HIVEP3: variants seen among roughly 807,000 people sequenced by gnomAD.
HIVEP3 encodes HIVEP zinc finger 3.
Under a neutral mutation model 152.8 loss-of-function variants are expected in HIVEP3, and 49 were observed. That is an observed-to-expected ratio of 0.32 (90% CI 0.26 to 0.41). The LOEUF is 0.41. Among genes scored for constraint, HIVEP3 ranks in the 10% least tolerant of loss-of-function variants. The pLI, the probability that HIVEP3 is intolerant of heterozygous loss-of-function variation, is 1.00. For missense variants in HIVEP3, 2,790 were observed against 3,103.3 expected (o/e 0.90, Z 2.40); for synonymous variants, 1,269 against 1,289.0 (o/e 0.98, Z 0.33).
intron 1 of HIVEP3, among the ~76,000 whole-genome samples, chr1:41,809,639 T>C (rs9661982): frequency 0.36 from 54,494 of 152,200 alleles, 10,002 homozygotes; most frequent in African/African-American, 0.39. Flanking sequence ...CATTCCCCCA[T>C]ATATTTAACA....
At chr1:41,814,109 A>T (rs1651121791) in intron 1 of HIVEP3, among the ~76,000 whole-genome samples, 1 of 152,228 alleles carries the variant, frequency 6.6e-6, no homozygotes, top group Admixed American at 6.5e-5. Flanking sequence ...GGAAATCCCC[A>T]GAAGACACTG....
chr1:41,645,031 C>T (rs1406713416), intron 2 of HIVEP3, among the ~76,000 whole-genome samples: 3 of 152,130 alleles, frequency 2.0e-5, no homozygotes, highest in African/African-American at 4.8e-5. Context: ...ATGCCTAATT[C>T]CTAGAAGCCA....
At chr1:41,523,382 A>C (rs1429685138) in intron 6 of HIVEP3, among the ~76,000 whole-genome samples, 1 of 152,060 alleles carries the variant, frequency 6.6e-6, no homozygotes. Context: ...AGGATGGGGG[A>C]AAGGCAGTGG....
chr1:42,008,056 T>G (rs7515159), intron 1 of HIVEP3, among the ~76,000 whole-genome samples: 35,206 of 152,184 alleles, frequency 0.23, 4,564 homozygotes, highest in African/African-American at 0.35. Context: ...TTGATAAATT[T>G]ACATCATATT....
intron 1 of HIVEP3, among the ~76,000 whole-genome samples, chr1:41,889,251 C>T (rs1466494267): frequency 6.6e-6 from 1 of 152,094 alleles, no homozygotes; most frequent in Non-Finnish European, 1.5e-5. Context: ...ACCCCACATC[C>T]CCTGCTACAC....
At chr1:41,699,546 C>T (rs1646329560) in intron 2 of HIVEP3, among the ~76,000 whole-genome samples, 1 of 152,168 alleles carries the variant, frequency 6.6e-6, no homozygotes, top group African/African-American at 2.4e-5. Context: ...AGGGGGTGGC[C>T]TATTGTCCTT....
In HIVEP3 at chr1:41,585,171, G is replaced by T. The variant is rs577104245; in HGVS notation, c.-374C>A. The T allele has an allele frequency of 1.9e-4, 75 of 399,382 alleles. No homozygotes were observed. The highest frequency in any genetic ancestry group is 1.5e-3 in the African/African-American group (71 of 48,762). 24.7% of individuals were successfully genotyped at this position (399,382 alleles called of 1,614,324 possible). On this transcript the variant is annotated 5_prime_UTR_variant, in exon 4 of 9. Coordinates refer to ENST00000372583, the MANE Select transcript of HIVEP3 (RefSeq NM_024503.5). The stretch of plus-strand genomic sequence containing the variant: ...GAGTCCCCCGTGTGCTATGCAAACG[G>T]TTGAAGGTTGGAGACATCTGTGTCC...
intron 1 of HIVEP3, among the ~76,000 whole-genome samples, chr1:41,835,903 A>G (rs1256296768): frequency 6.6e-6 from 1 of 152,232 alleles, no homozygotes; most frequent in African/African-American, 2.4e-5. Flanking sequence ...CAAATAAAAG[A>G]TTATTTTTTA....
chr1:41,882,822 G>A (rs1386399033), intron 1 of HIVEP3, among the ~76,000 whole-genome samples: 2 of 152,234 alleles, frequency 1.3e-5, no homozygotes, highest in Non-Finnish European at 2.9e-5. Context: ...TTTGGAAAGT[G>A]TCTTGCTAAA....
intron 1 of HIVEP3, among the ~76,000 whole-genome samples, chr1:42,011,440 A>T (rs1317793876): frequency 6.6e-6 from 1 of 152,214 alleles, no homozygotes; most frequent in Non-Finnish European, 1.5e-5. Flanking sequence ...TCAAAGTTAG[A>T]AGTTAAATCT....
At chr1:41,991,485 C>T (rs1209036187) in intron 1 of HIVEP3, among the ~76,000 whole-genome samples, 1 of 150,562 alleles carries the variant, frequency 6.6e-6, no homozygotes, top group Non-Finnish European at 1.5e-5. Flanking sequence ...ATAACAGGAT[C>T]TGAAATTGTG....
At chr1:41,545,264 T>C (rs1048072241) in intron 5 of HIVEP3, among the ~76,000 whole-genome samples, 373 of 38,500 alleles carry the variant, frequency 9.7e-3, no homozygotes, top group Middle Eastern at 0.045. Flanking sequence ...CTACCACCAC[T>C]ACCACCACCA....
In HIVEP3 at chr1:41,724,374, G is replaced by A. The variant is rs79860411; in HGVS notation, c.-800-23379C>T. Among the ~76,000 whole-genome samples, 50 of 152,330 alleles carry A rather than the reference G, an allele frequency of 3.3e-4. 4 individuals carry two copies. In the East Asian group the frequency reaches 9.4e-3, roughly 29 times the overall value. The stretch of plus-strand genomic sequence containing the variant: ...GGGAGAAAAGGGCTGGCCTTCATAT[G>A]GAATGCCTAGGGCTGAATAAACAAT... On this transcript the variant is annotated intron_variant, in intron 1 of 8. Coordinates refer to ENST00000372583, the MANE Select transcript of HIVEP3 (RefSeq NM_024503.5).
intron 2 of HIVEP3, among the ~76,000 whole-genome samples, chr1:41,651,359 C>A (rs1032850394): frequency 2.2e-4 from 33 of 147,792 alleles, no homozygotes; most frequent in African/African-American, 7.7e-4. Flanking sequence ...TGCAGTGACC[C>A]GAGATAGCAC....
chr1:41,529,550 TC>T (rs1643171605), intron 5 of HIVEP3, among the ~76,000 whole-genome samples: 1 of 33,590 alleles, frequency 3.0e-5, no homozygotes, highest in Non-Finnish European at 5.8e-5. Flanking sequence ...CCGACTCTCC[TC>T]CCCCCACACC....
intron 2 of HIVEP3, among the ~76,000 whole-genome samples, chr1:41,649,978 A>G (rs1231562047): frequency 6.6e-6 from 1 of 152,084 alleles, no homozygotes; most frequent in Non-Finnish European, 1.5e-5. Flanking sequence ...GAAAGCCCAC[A>G]TCCCCGGGGG....
chr1:41,966,850 G>A (rs1041369566), intron 1 of HIVEP3, among the ~76,000 whole-genome samples: 13 of 151,972 alleles, frequency 8.6e-5, no homozygotes, highest in African/African-American at 3.1e-4. Context: ...GATGGATGGA[G>A]GAGAATTTAC....
chr1:42,010,742 T>G (rs1645488370), intron 1 of HIVEP3, among the ~76,000 whole-genome samples: 1 of 152,152 alleles, frequency 6.6e-6, no homozygotes, highest in Admixed American at 6.5e-5. Context: ...CAGAAAACCA[T>G]TCTTAGAATT....
At chr1:41,552,521 T>G (rs1569877104) in intron 5 of HIVEP3, among the ~76,000 whole-genome samples, 1 of 147,752 alleles carries the variant, frequency 6.8e-6, no homozygotes, top group East Asian at 2.0e-4. Flanking sequence ...TCCAATTTCA[T>G]CCATGTCCCT....
Sources: gnomAD v4.1 joint callset for allele counts (sites outside exome capture counted in the v4.1 genomes callset) on GRCh38, gnomAD v4.1.1 for gene constraint, MANE v1.5 for transcripts, NCBI Gene and HGNC (gene_info 2026-07-23, HGNC 2026-07-21) for gene names.